BAZ2B: variants seen among roughly 807,000 people sequenced by gnomAD.
BAZ2B encodes the protein bromodomain adjacent to zinc finger domain protein 2B.
Under a neutral mutation model 246.0 loss-of-function variants are expected in BAZ2B, and 91 were observed. The ratio of observed to expected loss-of-function variants is 0.37; its 90% CI spans 0.31 to 0.44. The LOEUF (loss-of-function observed/expected upper bound fraction) is 0.44. BAZ2B is among the 20% of genes least tolerant of loss of function. The pLI is 1.00. For missense variants in BAZ2B, 2,332 were observed against 2,533.7 expected (o/e 0.92, Z 1.71); for synonymous variants, 855 against 860.0 (o/e 0.99, Z 0.10).
chr2:159,611,532 T>G (rs1041756632), intron 1 of BAZ2B, among the ~76,000 whole-genome samples: 1 of 152,078 alleles, frequency 6.6e-6, no homozygotes, highest in South Asian at 2.1e-4. Flanking sequence ...CCTATAAACT[T>G]TGATTTCAGG....
chr2:159,571,100 C>A (rs932084699), intron 1 of BAZ2B, among the ~76,000 whole-genome samples: 2 of 152,116 alleles, frequency 1.3e-5, no homozygotes, highest in African/African-American at 2.4e-5. Context: ...GTGAACCGCC[C>A]GCCTTGGCCT....
intron 1 of BAZ2B, among the ~76,000 whole-genome samples, chr2:159,606,722 A>C (rs1693580549): frequency 6.6e-6 from 1 of 152,202 alleles, no homozygotes; most frequent in Non-Finnish European, 1.5e-5. Context: ...TCATCACAAT[A>C]CTGCAAATAA....
In BAZ2B at chr2:159,530,736, A is replaced by G. The variant is rs534959727; in HGVS notation, c.-3+25087T>C. On this transcript the variant is annotated intron_variant, in intron 2 of 36. Coordinates refer to ENST00000392783, the MANE Select transcript of BAZ2B (RefSeq NM_013450.4). ...CTTAATCCTAGCACTTTGGGAGGCC[A>G]AGGTTGGTGGATCACTTGAGATCAG... 1.2e-4 allele frequency among the ~76,000 whole-genome samples: 19 copies of G among 152,238 alleles called. No homozygotes were observed. In the South Asian group the frequency reaches 3.9e-3, roughly 32 times the overall value.
the BAZ2B span, among the ~76,000 whole-genome samples, chr2:159,636,734 C>T: frequency 6.6e-6 from 1 of 152,072 alleles, no homozygotes; most frequent in African/African-American, 2.4e-5. Context: ...AGTGCTTATG[C>T]CATCCCTCTC....
chr2:159,612,291 AG>A (rs1694875872), intron 1 of BAZ2B, among the ~76,000 whole-genome samples: 1 of 152,084 alleles, frequency 6.6e-6, no homozygotes, highest in Non-Finnish European at 1.5e-5. Context: ...TTTATTAAAA[AG>A]GCAACAGTAT....
chr2:159,627,324 A>ATCATCCTCTTTTTATGAG, the BAZ2B span, among the ~76,000 whole-genome samples: 1 of 151,800 alleles, frequency 6.6e-6, no homozygotes, highest in South Asian at 2.1e-4. Flanking sequence ...TTATGAGGCG[A>ATCATCCTCTTTTTATGAG]GCATCATCCT....
intron 14 of BAZ2B, 85 bp downstream of exon 14, chr2:159,412,250 G>T: frequency 7.3e-7 from 1 of 1,371,852 alleles, no homozygotes; most frequent in Non-Finnish European, 1.0e-6. Context: ...TGAGAGCAGT[G>T]TCAATCCTAA....
intron 3 of BAZ2B, among the ~76,000 whole-genome samples, chr2:159,455,762 G>GTTTTT (rs759816186): frequency 0.017 from 1,645 of 96,702 alleles, 74 homozygotes; most frequent in Non-Finnish European, 0.027. Context: ...GAAATATTGT[G>GTTTTT]GTTTTTTTTT....
At position 159,325,043 on chromosome 2, in the gene BAZ2B, T is replaced by TA. The variant is rs1445059305; in HGVS notation, c.6210-90_6210-89insT. On this transcript the variant is annotated intron_variant, in intron 35 of 36. Transcript: ENST00000392783. ...AAAGCTTTCAGTTATTATATATATA[T>TA]TATATATATATATATATTATATATA... 34 of 5,198 alleles carry TA rather than the reference T, an allele frequency of 6.5e-3. 7 individuals carry two copies. Among genetic ancestry groups the TA allele is most frequent in the South Asian group, 0.056 (6 of 108 alleles). 0.3% of individuals were successfully genotyped at this position (5,198 alleles called of 1,614,324 possible).
At chr2:159,348,029 ATGGTGTTG>A (rs1444116341) in intron 30 of BAZ2B, among the ~76,000 whole-genome samples, 2 of 151,964 alleles carry the variant, frequency 1.3e-5, no homozygotes, top group African/African-American at 4.8e-5. Flanking sequence ...CTTATATAAA[ATGGTGTTG>A]GCCAGGAGTG....
chr2:159,685,661 T>C, the BAZ2B span, among the ~76,000 whole-genome samples: 2 of 151,868 alleles, frequency 1.3e-5, no homozygotes, highest in Non-Finnish European at 2.9e-5. Flanking sequence ...GAACTCCCCA[T>C]GGCCAATGCT....
At chr2:159,323,729 G>A (rs542908141) in intron 36 of BAZ2B, among the ~76,000 whole-genome samples, 25 of 151,786 alleles carry the variant, frequency 1.6e-4, no homozygotes, top group Admixed American at 5.9e-4. Flanking sequence ...ACTTGAACCC[G>A]GGAGGCAGAG....
intron 2 of BAZ2B, among the ~76,000 whole-genome samples, chr2:159,480,978 A>C (rs1428021544): frequency 6.6e-6 from 1 of 152,048 alleles, no homozygotes; most frequent in Non-Finnish European, 1.5e-5. Context: ...TACTGGTCTT[A>C]AGTAGTTGTT....
At chr2:159,631,029 AC>A in the BAZ2B span, among the ~76,000 whole-genome samples, 2 of 152,010 alleles carry the variant, frequency 1.3e-5, no homozygotes, top group African/African-American at 4.8e-5. Flanking sequence ...CCCCAACTTT[AC>A]AAAAAAATTT....
intron 1 of BAZ2B, among the ~76,000 whole-genome samples, chr2:159,599,962 A>G (rs999437279): frequency 6.6e-6 from 1 of 151,678 alleles, no homozygotes; most frequent in African/African-American, 2.4e-5. Context: ...AAGAAAAGAA[A>G]AAGAAAGAAA....
At chr2:159,450,971 C>G (rs1349797610) in intron 4 of BAZ2B, among the ~76,000 whole-genome samples, 1 of 152,032 alleles carries the variant, frequency 6.6e-6, no homozygotes, top group African/African-American at 2.4e-5. Flanking sequence ...ATCTGCCTGC[C>G]TCGGCCTCCC....
At chr2:159,497,787 G>A (rs770215357) in intron 2 of BAZ2B, among the ~76,000 whole-genome samples, 9 of 152,142 alleles carry the variant, frequency 5.9e-5, no homozygotes, top group African/African-American at 2.2e-4. Flanking sequence ...CCCTGCCAAC[G>A]AAAGAGCCTA....
intron 3 of BAZ2B, among the ~76,000 whole-genome samples, chr2:159,466,123 T>C (rs1482676224): frequency 6.6e-6 from 1 of 152,208 alleles, no homozygotes; most frequent in African/African-American, 2.4e-5. Flanking sequence ...GTCTTGGCTG[T>C]CTCTTAAGTT....
chr2:159,458,907 A>T (rs568869604), intron 3 of BAZ2B: 1 of 152,268 alleles, frequency 6.6e-6, no homozygotes, highest in African/African-American at 2.4e-5. Flanking sequence ...TGAGGCAAAA[A>T]CTGCATCTTA....
Sources: allele counts gnomAD v4.1 joint callset (sites outside exome capture counted in the v4.1 genomes callset), GRCh38; gene constraint gnomAD v4.1.1; transcripts MANE v1.5; gene names NCBI Gene and HGNC (gene_info 2026-07-23, HGNC 2026-07-21).